OPRM1: variants seen among roughly 807,000 people sequenced by gnomAD.
OPRM1 encodes the protein mu-type opioid receptor.
In OPRM1, 27 loss-of-function variants were observed where a neutral mutation model predicts 31.8. That is an observed-to-expected ratio of 0.85 (90% CI 0.63 to 1.17). The LOEUF (loss-of-function observed/expected upper bound fraction) is 1.17, where lower values mean the gene tolerates loss of function less well. Ranked by LOEUF, OPRM1 falls within the 50% of genes most tolerant of loss-of-function variation. OPRM1 has a pLI of 0.00. For synonymous variants in OPRM1, 196 were observed against 189.9 expected (o/e 1.03, Z -0.26); for missense variants, 536 against 511.1 (o/e 1.05, Z -0.47).
At chr6:154,054,324 G>A (rs199887414) in intron 1 of OPRM1, among the ~76,000 whole-genome samples, 1 of 144,400 alleles carries the variant, frequency 6.9e-6, no homozygotes, top group African/African-American at 2.6e-5. Flanking sequence ...AGCTGAAATC[G>A]CGCCACTGCA....
intron 3 of OPRM1, among the ~76,000 whole-genome samples, chr6:154,187,261 G>C (rs984029891): frequency 2.6e-5 from 4 of 152,032 alleles, no homozygotes; most frequent in African/African-American, 9.7e-5. Context: ...CCTCTGTCCA[G>C]TCTCTCTCTA....
At chr6:154,223,486 A>T (rs1779022893) in intron 3 of OPRM1, among the ~76,000 whole-genome samples, 1 of 152,132 alleles carries the variant, frequency 6.6e-6, no homozygotes, top group Non-Finnish European at 1.5e-5. Flanking sequence ...CAGCTTAGGG[A>T]TGGTCACCAT....
intron 1 of OPRM1, among the ~76,000 whole-genome samples, chr6:154,051,826 G>C (rs577324149): frequency 6.6e-6 from 1 of 152,086 alleles, no homozygotes; most frequent in South Asian, 2.1e-4. Flanking sequence ...TCCATTACTG[G>C]GTATATACCA....
At position 154,246,574 on chromosome 6, in the gene OPRM1, G is replaced by T. The variant is rs754914140; in HGVS notation, c.1165-119G>T. 1.9e-6 allele frequency: 3 copies of T among 1,602,116 alleles called. No homozygotes were observed. In the Admixed American group the frequency reaches 5.1e-5, roughly 27 times the overall value. Reference sequence around the variant, plus strand: ...TCATTAAAACGGCTGGGAATAGGAGGAAGAAAGCAGACTCACCATTTGATT... The same window carrying T: ...TCATTAAAACGGCTGGGAATAGGAGTAAGAAAGCAGACTCACCATTTGATT... On this transcript the variant is annotated intron_variant, in intron 3 of 3. Transcript: ENST00000337049.
chr6:154,177,385 T>A (rs1800426656), intron 3 of OPRM1, among the ~76,000 whole-genome samples: 1 of 151,934 alleles, frequency 6.6e-6, no homozygotes. Context: ...TTGCAATCTA[T>A]CCATCTGACA....
At chr6:154,095,539 T>C (rs1459356419) in intron 3 of OPRM1, among the ~76,000 whole-genome samples, 1 of 152,212 alleles carries the variant, frequency 6.6e-6, no homozygotes, top group Non-Finnish European at 1.5e-5. Flanking sequence ...GCTACTCTGA[T>C]CCAATGTTAT....
At chr6:154,238,935 A>C (rs1017096642) in intron 3 of OPRM1, among the ~76,000 whole-genome samples, 2 of 151,962 alleles carry the variant, frequency 1.3e-5, no homozygotes, top group Admixed American at 1.3e-4. Context: ...TTTTTTAAAA[A>C]AAAAAAGAAG....
chr6:154,042,314 T>A (rs1022680517), intron 1 of OPRM1, among the ~76,000 whole-genome samples: 2 of 152,206 alleles, frequency 1.3e-5, no homozygotes, highest in African/African-American at 4.8e-5. Context: ...CTGCGGTGTT[T>A]AAACTACAAA....
At chr6:154,088,050 T>C (rs1339630605) in intron 1 of OPRM1, among the ~76,000 whole-genome samples, 1 of 151,910 alleles carries the variant, frequency 6.6e-6, no homozygotes, top group Non-Finnish European at 1.5e-5. Context: ...ATCCAAAAGT[T>C]GTATGCAACT....
intron 1 of OPRM1, among the ~76,000 whole-genome samples, chr6:154,043,061 T>C (rs1312421763): frequency 1.3e-5 from 2 of 152,194 alleles, no homozygotes; most frequent in African/African-American, 4.8e-5. Context: ...TGTGTTTATG[T>C]TGGGAAATTC....
At chr6:154,148,267 A>G (rs1327390767) in intron 3 of OPRM1, among the ~76,000 whole-genome samples, 1 of 152,258 alleles carries the variant, frequency 6.6e-6, no homozygotes, top group Non-Finnish European at 1.5e-5. Context: ...CTTGTCTTTC[A>G]TAGCCAGGAT....
At chr6:154,132,487 A>G (rs912646206), downstream of OPRM1, among the ~76,000 whole-genome samples, 4 of 152,174 alleles carry the variant, frequency 2.6e-5, no homozygotes, top group Non-Finnish European at 5.9e-5. Flanking sequence ...ATACTAAATA[A>G]ATACTTCAAA....
At chr6:154,161,063 A>G (rs1798975374) in intron 3 of OPRM1, among the ~76,000 whole-genome samples, 1 of 152,018 alleles carries the variant, frequency 6.6e-6, no homozygotes, top group South Asian at 2.1e-4. Flanking sequence ...GCATTTTCTC[A>G]CCCACACAAC....
exon 1 of OPRM1, chr6:154,010,810 T>C: frequency 1.4e-6 from 2 of 1,400,278 alleles, no homozygotes; most frequent in Non-Finnish European, 1.9e-6. Context: ...TGCTCTGAGA[T>C]GATAGAAAAG....
At chr6:154,043,996 C>A (rs1434470980) in intron 1 of OPRM1, among the ~76,000 whole-genome samples, 1 of 152,096 alleles carries the variant, frequency 6.6e-6, no homozygotes, top group Non-Finnish European at 1.5e-5. Flanking sequence ...TTCCTATATT[C>A]TTCTCTCTCT....
intron 1 of OPRM1, among the ~76,000 whole-genome samples, chr6:154,012,984 C>A (rs1221774077): frequency 2.0e-5 from 3 of 152,050 alleles, no homozygotes; most frequent in African/African-American, 7.2e-5. Flanking sequence ...TCTCCAAATG[C>A]CATTATATTG....
chr6:154,163,911 GA>G (rs1799222164), intron 3 of OPRM1, among the ~76,000 whole-genome samples: 1 of 152,124 alleles, frequency 6.6e-6, no homozygotes, highest in South Asian at 2.1e-4. Flanking sequence ...CCAAAATGGA[GA>G]AAAAACAGTG....
At chr6:154,244,865 C>T (rs1780903386) in intron 3 of OPRM1, among the ~76,000 whole-genome samples, 1 of 152,310 alleles carries the variant, frequency 6.6e-6, no homozygotes, top group South Asian at 2.1e-4. Flanking sequence ...ATGCCAAGCT[C>T]CATCAGCGTC....
At chr6:154,228,976 C>T (rs912086694) in intron 3 of OPRM1, among the ~76,000 whole-genome samples, 2 of 152,244 alleles carry the variant, frequency 1.3e-5, no homozygotes, top group African/African-American at 4.8e-5. Context: ...TAATGCCCTT[C>T]CTACCTCATT....
Sources: gnomAD v4.1 joint callset for allele counts (sites outside exome capture counted in the v4.1 genomes callset) on GRCh38, gnomAD v4.1.1 for gene constraint, MANE v1.5 for transcripts, NCBI Gene and HGNC (gene_info 2026-07-23, HGNC 2026-07-21) for gene names.